PCDH7: variants seen among roughly 807,000 people sequenced by gnomAD.
PCDH7 encodes protocadherin 7, also known as protocadherin-7.
In PCDH7, 17 loss-of-function variants were observed where a neutral mutation model predicts 58.9. The observed-to-expected ratio is 0.29, with a 90% CI of 0.20 to 0.43. PCDH7 has a LOEUF of 0.43. Ranked by LOEUF, PCDH7 falls within the 20% of genes least tolerant of loss-of-function variation. PCDH7 has a pLI of 1.00. For missense variants in PCDH7, 1,274 were observed against 1,441.0 expected (o/e 0.88, Z 1.88); for synonymous variants, 664 against 616.4 (o/e 1.08, Z -1.14).
chr4:31,055,785 C>A (rs929953005), intron 3 of PCDH7, among the ~76,000 whole-genome samples: 1 of 152,058 alleles, frequency 6.6e-6, no homozygotes, highest in East Asian at 2.0e-4. Flanking sequence ...CCATGTTAGC[C>A]AGGCTGGCCT....
intron 3 of PCDH7, among the ~76,000 whole-genome samples, chr4:31,136,819 G>T (rs1383211933): frequency 6.6e-6 from 1 of 152,096 alleles, no homozygotes; most frequent in East Asian, 1.9e-4. Flanking sequence ...CAACTCACTT[G>T]TGCATCTTTT....
At chr4:31,128,626 T>G (rs1718604361) in intron 3 of PCDH7, among the ~76,000 whole-genome samples, 1 of 152,168 alleles carries the variant, frequency 6.6e-6, no homozygotes, top group Non-Finnish European at 1.5e-5. Context: ...AAAATAGCTA[T>G]TATCCATAAG....
Position 30,723,115 on chromosome 4 carries a change from G to A in PCDH7, c.1693G>A (p.Gly565Ser), listed in dbSNP as rs765117886. ...GGTGCTGGCGACAGACGCAGACAGC[G>A]GTAAGAACGCCGAGATCGCCTACTC... Residue 565 changes from glycine (G) to serine (S), a missense_variant, in exon 1 of 2, where the codon GGT (glycine) becomes AGT (serine). By Grantham distance (56) the Gly-to-Ser change is moderately conservative. Around this residue, in one of 3 missense-constraint regions of PCDH7, gnomAD observed 731 missense variants for 881.9 expected, o/e 0.83. Transcript: ENST00000361762. This position sits in a 1 kb window ranked among gnomAD's most constrained non-coding sequence, Gnocchi z 4.6. 7 of 1,614,006 alleles carry A rather than the reference G, an allele frequency of 4.3e-6. No individual in the cohort carries two copies. The South Asian group carries it at 4.4e-5, about 10-fold the overall frequency.
intron 1 of PCDH7, among the ~76,000 whole-genome samples, chr4:30,895,133 A>T (rs1436706626): frequency 6.8e-6 from 1 of 146,560 alleles, no homozygotes; most frequent in East Asian, 1.9e-4. Flanking sequence ...TGACAATTTC[A>T]GCAAAAAAAA....
intron 1 of PCDH7, among the ~76,000 whole-genome samples, chr4:30,808,127 A>G (rs942190694): frequency 6.6e-6 from 1 of 152,222 alleles, no homozygotes; most frequent in African/African-American, 2.4e-5. Context: ...AGATGAAGAG[A>G]TGCTAGTATT....
chr4:30,894,504 TATATATATATATACACACACACACACAC>T (rs1560476721), intron 1 of PCDH7, among the ~76,000 whole-genome samples: 3 of 47,642 alleles, frequency 6.3e-5, no homozygotes, highest in African/African-American at 3.7e-4. Flanking sequence ...TATATATATA[TATATATATATATACACACACACACACAC>T]ACACACACAC....
intron 3 of PCDH7, among the ~76,000 whole-genome samples, chr4:31,105,520 C>A (rs1039822749): frequency 6.6e-6 from 1 of 152,096 alleles, no homozygotes; most frequent in Non-Finnish European, 1.5e-5. Context: ...GAGGTGCTTG[C>A]TCTAAAGAGT....
At chr4:30,776,820 G>A (rs1722126021) in intron 1 of PCDH7, among the ~76,000 whole-genome samples, 1 of 151,194 alleles carries the variant, frequency 6.6e-6, no homozygotes, top group Non-Finnish European at 1.5e-5. Flanking sequence ...TACACGTACT[G>A]GTTGTTCTTC....
chr4:30,929,321 T>C (rs1223995926), intron 2 of PCDH7, among the ~76,000 whole-genome samples: 1 of 152,182 alleles, frequency 6.6e-6, no homozygotes, highest in Non-Finnish European at 1.5e-5. Context: ...TATATTACAA[T>C]CCCTTTATAC....
At chr4:30,855,975 A>G (rs1047049122) in intron 1 of PCDH7, among the ~76,000 whole-genome samples, 13 of 152,150 alleles carry the variant, frequency 8.5e-5, no homozygotes, top group African/African-American at 3.1e-4. Flanking sequence ...AACTGAATGC[A>G]GTGACAAGTA....
At chr4:31,073,291 C>CAAATAA (rs1372071657) in intron 3 of PCDH7, among the ~76,000 whole-genome samples, 22 of 152,272 alleles carry the variant, frequency 1.4e-4, no homozygotes, top group African/African-American at 5.1e-4. Context: ...TGATTTATAG[C>CAAATAA]ACACATAAAT....
At chr4:30,819,314 G>T (rs1728067311) in intron 1 of PCDH7, among the ~76,000 whole-genome samples, 1 of 152,136 alleles carries the variant, frequency 6.6e-6, no homozygotes, top group Non-Finnish European at 1.5e-5. Context: ...AGATTTCACT[G>T]GTTGGGTAGA....
intron 3 of PCDH7, among the ~76,000 whole-genome samples, chr4:31,092,052 T>TTAC (rs1028267886): frequency 6.6e-6 from 1 of 151,978 alleles, no homozygotes; most frequent in African/African-American, 2.4e-5. Flanking sequence ...TCCATATATT[T>TTAC]TACATTTTGA....
intron 3 of PCDH7, among the ~76,000 whole-genome samples, chr4:30,953,192 C>A (rs1047415272): frequency 1.3e-5 from 2 of 152,100 alleles, no homozygotes; most frequent in African/African-American, 4.8e-5. Context: ...TTTGGGACAT[C>A]TTTAACTTTC....
chr4:30,821,159 C>T (rs1037607428), intron 1 of PCDH7, among the ~76,000 whole-genome samples: 4 of 152,132 alleles, frequency 2.6e-5, no homozygotes, highest in African/African-American at 4.8e-5. Context: ...TCACTCTCTG[C>T]CTCCTTGTAA....
intron 3 of PCDH7, among the ~76,000 whole-genome samples, chr4:31,061,438 C>A (rs1757685478): frequency 6.6e-6 from 1 of 151,376 alleles, no homozygotes; most frequent in Admixed American, 6.6e-5. Flanking sequence ...GAGAGTTAAT[C>A]TTTGTTTCTT....
chr4:30,959,659 T>C (rs1465471471), intron 3 of PCDH7, among the ~76,000 whole-genome samples: 2 of 152,178 alleles, frequency 1.3e-5, no homozygotes, highest in Non-Finnish European at 2.9e-5. Context: ...AATTTTAAAG[T>C]GCCACGTTAG....
chr4:31,053,789 T>C (rs1756937936), intron 3 of PCDH7, among the ~76,000 whole-genome samples: 1 of 152,070 alleles, frequency 6.6e-6, no homozygotes, highest in South Asian at 2.1e-4. Flanking sequence ...TTGGAGTTGG[T>C]AGTTACATAT....
Position 30,921,447 on chromosome 4 carries a change from G to C in PCDH7, c.287+1078G>C, listed in dbSNP as rs1012440546. 7.2e-5 allele frequency among the ~76,000 whole-genome samples: 11 copies of C among 151,944 alleles called. No homozygotes were observed. In the East Asian group the frequency reaches 9.6e-4, roughly 13 times the overall value. ...GCAGGAGAAAGACTGATTTTCTTCTGTAAGTTTACCTATGAATATTAAAAT... is the reference window on the plus strand; with the variant it reads ...GCAGGAGAAAGACTGATTTTCTTCTCTAAGTTTACCTATGAATATTAAAAT... On this transcript the variant is annotated intron_variant, in intron 2 of 3. Transcript: ENST00000509759.
Sources: gnomAD v4.1 joint callset for allele counts (sites outside exome capture counted in the v4.1 genomes callset) on GRCh38, gnomAD v4.1.1 for gene constraint, gnomAD v4.1.1 regional missense constraint, Gnocchi (gnomAD v3.1) non-coding constraint, MANE v1.5 for transcripts, NCBI Gene and HGNC (gene_info 2026-07-23, HGNC 2026-07-21) for gene names.